HOATZ: variants seen among roughly 807,000 people sequenced by gnomAD.
HOATZ encodes cilia- and flagella-associated protein HOATZ.
HOATZ carries 26 observed loss-of-function variants against 24.9 expected under a neutral mutation model. The observed-to-expected ratio is 1.04, with a 90% CI of 0.76 to 1.45. HOATZ has a LOEUF of 1.45. Among genes scored for constraint, HOATZ ranks in the 40% most tolerant of loss-of-function variants. The pLI is 0.00. For missense variants in HOATZ, 226 were observed against 201.5 expected, an observed-to-expected ratio of 1.12 and a Z score of -0.74; for synonymous variants, 83 against 76.6, an observed-to-expected ratio of 1.08 and a Z score of -0.43.
At chr11:111,518,184 A>G (rs1191376696) in intron 3 of HOATZ, among the ~76,000 whole-genome samples, 1 of 152,240 alleles carries the variant, frequency 6.6e-6, no homozygotes, top group Non-Finnish European at 1.5e-5. Flanking sequence ...ACTGCAATAT[A>G]GAAGATGATT....
chr11:111,515,531 T>A lies in HOATZ; in HGVS notation c.247T>A (p.Ser83Thr), dbSNP rs1867180863. Residue 83 changes from serine (S) to threonine (T), a missense_variant, in exon 2 of 6, where the codon TCT becomes ACT. Ser to Thr is a moderately conservative substitution (Grantham distance 58). Coordinates refer to ENST00000375618, the MANE Select transcript of HOATZ (RefSeq NM_001100388.2). Reference sequence around the variant, plus strand: ...TTTAGAAAACAGCCACTCCTCGCAGTCTTTTCACCTTGCGAGTAACAGTAA... The same window carrying A: ...TTTAGAAAACAGCCACTCCTCGCAGACTTTTCACCTTGCGAGTAACAGTAA... The part of the protein sequence containing the change: ...RGSENSHSSQ[S>T]FHLASNKNRD... The A allele has an allele frequency of 6.8e-6, 11 of 1,613,684 alleles. No individual in the cohort carries two copies. The highest frequency in any genetic ancestry group is 9.3e-6 in the Non-Finnish European group (11 of 1,179,614).
intron 3 of HOATZ, among the ~76,000 whole-genome samples, chr11:111,527,192 T>C (rs1867348796): frequency 6.6e-6 from 1 of 152,222 alleles, no homozygotes; most frequent in African/African-American, 2.4e-5. Flanking sequence ...CAGGCAATTA[T>C]TATTGGTAAA....
chr11:111,517,157 A>G (rs1867215236), intron 3 of HOATZ, among the ~76,000 whole-genome samples: 1 of 152,216 alleles, frequency 6.6e-6, no homozygotes, highest in Non-Finnish European at 1.5e-5. Flanking sequence ...TTTGTGGACT[A>G]CTGGTGCTTC....
chr11:111,522,003 GA>G (rs887509261), intron 3 of HOATZ, among the ~76,000 whole-genome samples: 49 of 148,556 alleles, frequency 3.3e-4, no homozygotes, highest in East Asian at 9.8e-4. Context: ...CAAAGAGTAG[GA>G]AAAAAAAAAT....
intron 5 of HOATZ, chr11:111,536,359 G>C (rs1867450527): frequency 5.9e-6 from 1 of 169,816 alleles, no homozygotes; most frequent in South Asian, 1.5e-4. Flanking sequence ...TATAATCCAG[G>C]TCCCCTTCTG....
intron 3 of HOATZ, chr11:111,519,043 C>T (rs1479928545): frequency 8.8e-6 from 4 of 455,898 alleles, no homozygotes; most frequent in South Asian, 4.7e-5. Flanking sequence ...ATTTTGGAGA[C>T]AACAAGATGG....
At chr11:111,533,998 T>C (rs1309644010) in intron 4 of HOATZ, among the ~76,000 whole-genome samples, 193 bp downstream of exon 4, 1 of 152,202 alleles carries the variant, frequency 6.6e-6, no homozygotes, top group Non-Finnish European at 1.5e-5. Context: ...ATCTCCAGAG[T>C]TTGCAGCCCT....
intron 3 of HOATZ, among the ~76,000 whole-genome samples, chr11:111,528,751 G>T (rs1299319168): frequency 6.6e-6 from 1 of 152,158 alleles, no homozygotes; most frequent in Non-Finnish European, 1.5e-5. Context: ...TCTTCAGCAT[G>T]GTTGATGCTA....
chr11:111,524,042 G>A (rs1477113387), intron 3 of HOATZ, among the ~76,000 whole-genome samples: 1 of 152,110 alleles, frequency 6.6e-6, no homozygotes, highest in Non-Finnish European at 1.5e-5. Flanking sequence ...TTACAAATAG[G>A]TGATCTCCTG....
At position 111,514,987 on chromosome 11, in the gene HOATZ, G is replaced by C. The variant is rs77968758; in HGVS notation, c.203G>C (p.Arg68Pro). Residue 68 changes from arginine (R) to proline (P), a missense_variant, in exon 1 of 6, where the codon CGG becomes CCG. Transcript: ENST00000375618. ...AGCAGTCAGCGTCTGCCGGTGGCGC[G>C]GCCCAGGAGGAGCAGAGGGTCTGGT... ...RDSSQRLPVA[R>P]PRRSRGSENS... is the part of the protein sequence containing the mutation. 3,531 of 1,613,114 alleles carry C rather than the reference G, an allele frequency of 2.2e-3. 64 individuals carry two copies. The African/African-American group carries it at 0.041, about 19-fold the overall frequency.
At position 111,516,172 on chromosome 11, in the gene HOATZ, T is replaced by A. The variant is rs1591553539; in HGVS notation, c.339+62T>A. Reference sequence around the variant, plus strand: ...TAAATTTCTAAATAATCTTGATTTTTTAAACACATGTATATTTAAAAATCT... The same window carrying A: ...TAAATTTCTAAATAATCTTGATTTTATAAACACATGTATATTTAAAAATCT... On this transcript the variant is annotated intron_variant, in intron 3 of 5. Coordinates refer to ENST00000375618, the MANE Select transcript of HOATZ (RefSeq NM_001100388.2). 6.6e-6 allele frequency: 7 copies of A among 1,060,226 alleles called. No homozygotes were observed. In the African/African-American group the frequency reaches 9.6e-5, roughly 15 times the overall value. The allele number at this position is 1,060,226 out of a possible 1,614,324, so 65.7% of individuals were successfully genotyped here.
intron 2 of HOATZ, 105 bp from the exon 3 acceptor site, chr11:111,515,935 C>T (rs1867191244): frequency 1.4e-6 from 1 of 735,002 alleles, no homozygotes; most frequent in Non-Finnish European, 2.2e-6. Context: ...TGTTTACCTT[C>T]CTACTCTATG....
intron 3 of HOATZ, among the ~76,000 whole-genome samples, chr11:111,524,367 T>A (rs17112959): frequency 6.6e-6 from 1 of 152,150 alleles, no homozygotes; most frequent in East Asian, 1.9e-4. Context: ...CCAGAAAAAT[T>A]TGATAGACGT....
intron 3 of HOATZ, among the ~76,000 whole-genome samples, chr11:111,522,742 A>G (rs374782789): frequency 4.8e-4 from 73 of 152,246 alleles, no homozygotes; most frequent in African/African-American, 1.7e-3. Context: ...AAATTTGCCT[A>G]CTAGCTATAG....
intron 3 of HOATZ, among the ~76,000 whole-genome samples, chr11:111,530,528 A>G (rs1867383282): frequency 6.6e-6 from 1 of 152,200 alleles, no homozygotes; most frequent in Non-Finnish European, 1.5e-5. Flanking sequence ...GTTTTCTTTC[A>G]CAATTTATTT....
At chr11:111,530,025 T>C (rs1408097135) in intron 3 of HOATZ, among the ~76,000 whole-genome samples, 2 of 152,218 alleles carry the variant, frequency 1.3e-5, no homozygotes, top group African/African-American at 4.8e-5. Flanking sequence ...TGTCCTCTTT[T>C]TTCTTACTCT....
Position 111,533,753 on chromosome 11 carries a change from C to T in HOATZ, c.347C>T (p.Thr116Ile). 1 of 1,586,428 alleles carries T rather than the reference C, an allele frequency of 6.3e-7. No homozygotes were observed. Among genetic ancestry groups the T allele is most frequent in the African/African-American group, 1.4e-5 (1 of 72,978 alleles). ...TTTTCTTTCTTTAAACAGGCTAAAACAAGAGAAGAGATTCTCCAACTCTTA... is the reference window on the plus strand; with the variant it reads ...TTTTCTTTCTTTAAACAGGCTAAAATAAGAGAAGAGATTCTCCAACTCTTA... ...EKVKYLQKAK[T>I]REEILQLLRK... Residue 116 changes from threonine to isoleucine, a missense_variant, in exon 4 of 6, where the codon ACA (threonine) becomes ATA (isoleucine). By Grantham distance (89) the Thr-to-Ile change is moderately conservative (BLOSUM62 -1). Coordinates refer to ENST00000375618, the MANE Select transcript of HOATZ (RefSeq NM_001100388.2).
At chr11:111,526,788 C>T (rs1867344535) in intron 3 of HOATZ, 1 of 152,136 alleles carries the variant, frequency 6.6e-6, no homozygotes, top group Non-Finnish European at 1.5e-5. Flanking sequence ...CTAACCTCTC[C>T]TTCTTAAGTC....
intron 4 of HOATZ, among the ~76,000 whole-genome samples, 193 bp from the exon 5 acceptor site, chr11:111,534,219 A>C (rs1045900365): frequency 2.0e-5 from 3 of 152,224 alleles, no homozygotes; most frequent in Non-Finnish European, 4.4e-5. Context: ...TGCACAAAAC[A>C]AACACTCCTG....
Sources: allele counts gnomAD v4.1 joint callset (sites outside exome capture counted in the v4.1 genomes callset), GRCh38; gene constraint gnomAD v4.1.1; transcripts MANE v1.5; gene names NCBI Gene and HGNC (gene_info 2026-07-23, HGNC 2026-07-21).